Variants in ELMO1 observed in about 807,000 individuals in gnomAD.
The protein encoded by ELMO1 is engulfment and cell motility 1.
In ELMO1, 26 loss-of-function variants were observed where a neutral mutation model predicts 98.9. The observed-to-expected ratio is 0.26, with a 90% CI of 0.19 to 0.36. ELMO1 has a LOEUF of 0.36. ELMO1 is among the 10% of genes least tolerant of loss of function. The pLI is 1.00. For missense variants in ELMO1, 627 were observed against 935.2 expected (o/e 0.67, Z 4.30); for synonymous variants, 346 against 346.0 (o/e 1.00, Z 0.00).
At chr7:37,374,992 G>A (rs1279976998) in intron 1 of ELMO1, among the ~76,000 whole-genome samples, 1 of 152,100 alleles carries the variant, frequency 6.6e-6, no homozygotes, top group Non-Finnish European at 1.5e-5. Context: ...CCAGGAGGTG[G>A]AGGTTGCGGT....
At chr7:37,447,599 T>TCA (rs1175713357) in intron 1 of ELMO1, among the ~76,000 whole-genome samples, 27 of 147,164 alleles carry the variant, frequency 1.8e-4, no homozygotes, top group Admixed American at 5.4e-4. Context: ...GGCTGTGCGG[T>TCA]CACACACACA....
chr7:37,000,301 A>T (rs1792559055), intron 16 of ELMO1, among the ~76,000 whole-genome samples: 1 of 152,224 alleles, frequency 6.6e-6, no homozygotes, highest in Non-Finnish European at 1.5e-5. Context: ...ACAAAATGGA[A>T]ATCTGGCATT....
chr7:37,249,034 T>C (rs1489470991), intron 6 of ELMO1, among the ~76,000 whole-genome samples: 1 of 152,204 alleles, frequency 6.6e-6, no homozygotes, highest in Non-Finnish European at 1.5e-5. Flanking sequence ...GTGAGGAGTA[T>C]GGTTCAGCCC....
chr7:37,074,271 C>T (rs750930861), intron 15 of ELMO1, among the ~76,000 whole-genome samples: 22 of 150,814 alleles, frequency 1.5e-4, no homozygotes, highest in Non-Finnish European at 1.9e-4. Flanking sequence ...AAAATCTATG[C>T]TATGTCACTT....
chr7:37,078,737 T>A (rs903927399), intron 15 of ELMO1, among the ~76,000 whole-genome samples: 7 of 152,156 alleles, frequency 4.6e-5, no homozygotes, highest in Non-Finnish European at 8.8e-5. Context: ...AAAGGAAATA[T>A]CCTTAAATAT....
intron 16 of ELMO1, among the ~76,000 whole-genome samples, chr7:36,959,049 CTA>C (rs1788711710): frequency 1.3e-5 from 2 of 152,146 alleles, no homozygotes; most frequent in African/African-American, 4.8e-5. Context: ...TTCCCCATCT[CTA>C]TGAGTGGTGC....
At chr7:37,437,417 A>G (rs1306833273) in intron 1 of ELMO1, among the ~76,000 whole-genome samples, 2 of 152,248 alleles carry the variant, frequency 1.3e-5, no homozygotes, top group Non-Finnish European at 2.9e-5. Context: ...CAGTCATTAC[A>G]TCAGTTATTT....
intron 5 of ELMO1, chr7:37,270,273 G>T (rs1796486302): frequency 6.6e-6 from 1 of 152,140 alleles, no homozygotes. Context: ...AAGTAGCAAA[G>T]CAGGCATCAA....
In ELMO1 at chr7:37,174,646, C is replaced by G. The variant is rs188580038; in HGVS notation, c.1086+36740G>C. On this transcript the variant is annotated intron_variant, in intron 13 of 21. Transcript: ENST00000310758. Reference sequence around the variant, plus strand: ...GATATCCAGGCATGCCCCATGCCCACTAGGTCCCATGGGTACAACAAACTC... The same window carrying G: ...GATATCCAGGCATGCCCCATGCCCAGTAGGTCCCATGGGTACAACAAACTC... 5.9e-5 allele frequency among the ~76,000 whole-genome samples: 9 copies of G among 152,294 alleles called. No homozygotes were observed. The East Asian group carries it at 1.7e-3, about 29-fold the overall frequency.
At chr7:36,963,936 T>C (rs1230824220) in intron 16 of ELMO1, among the ~76,000 whole-genome samples, 2 of 152,354 alleles carry the variant, frequency 1.3e-5, no homozygotes, top group Admixed American at 1.3e-4. Flanking sequence ...TTTAATGTGA[T>C]ATCTGAAATT....
At chr7:37,412,665 T>C (rs1804042779) in intron 1 of ELMO1, among the ~76,000 whole-genome samples, 1 of 152,194 alleles carries the variant, frequency 6.6e-6, no homozygotes, top group Admixed American at 6.5e-5. Flanking sequence ...GTGAACCCTC[T>C]TCCCCTAGAC....
chr7:37,022,850 GATAA>G (rs1240428363), intron 15 of ELMO1, among the ~76,000 whole-genome samples: 27 of 152,254 alleles, frequency 1.8e-4, no homozygotes, highest in Admixed American at 9.2e-4. Context: ...CAGCAGATTG[GATAA>G]ATAAATTATG....
intron 15 of ELMO1, among the ~76,000 whole-genome samples, chr7:37,065,143 C>T (rs563780042): frequency 6.6e-6 from 1 of 152,042 alleles, no homozygotes; most frequent in Non-Finnish European, 1.5e-5. Context: ...CCCCAAACAG[C>T]TATTGCCCTA....
intron 1 of ELMO1, among the ~76,000 whole-genome samples, chr7:37,428,738 T>C (rs1193432718): frequency 6.6e-6 from 1 of 152,264 alleles, no homozygotes; most frequent in Non-Finnish European, 1.5e-5. Context: ...ATTAACATTC[T>C]GTCCTAATCC....
At chr7:37,119,500 A>AT in intron 14 of ELMO1, among the ~76,000 whole-genome samples, 1 of 152,290 alleles carries the variant, frequency 6.6e-6, no homozygotes, top group East Asian at 1.9e-4. Flanking sequence ...TCTCCCAACT[A>AT]TTTTTTGTAA....
intron 1 of ELMO1, among the ~76,000 whole-genome samples, chr7:37,435,649 G>A (rs555485151): frequency 1.3e-5 from 2 of 152,142 alleles, no homozygotes; most frequent in African/African-American, 4.8e-5. Flanking sequence ...AGGTCCAGAC[G>A]CCGAGTCTCA....
chr7:37,188,634 TA>T (rs1339445934), intron 13 of ELMO1, among the ~76,000 whole-genome samples: 6 of 151,756 alleles, frequency 4.0e-5, no homozygotes, highest in Non-Finnish European at 7.4e-5. Flanking sequence ...TTAGTAAAGA[TA>T]AAAGAAAATC....
rs1301334890 is a variant in ELMO1 at position 37,342,566 on chromosome 7, T to G, written c.78+47A>C. ...TCCAAAGTCTATGAAAATTCCAGTA[T>G]AGAAAGGAAACTGAAAATAGACACC... is the stretch of plus-strand genomic sequence containing the variant. On this transcript the variant is annotated intron_variant, in intron 2 of 21. Transcript: ENST00000310758. The surrounding 1 kb of genome is among the most constrained non-coding windows in gnomAD (Gnocchi z 4.3). 7.6e-6 allele frequency: 12 copies of G among 1,576,652 alleles called. No individual in the cohort carries two copies. The highest frequency in any genetic ancestry group is 1.0e-5 in the Non-Finnish European group (12 of 1,145,918).
At chr7:37,068,352 A>G (rs1002752217) in intron 15 of ELMO1, among the ~76,000 whole-genome samples, 2 of 152,192 alleles carry the variant, frequency 1.3e-5, no homozygotes, top group African/African-American at 4.8e-5. Flanking sequence ...ACCCTTTGGC[A>G]CTTTACCTAT....
Sources: gnomAD v4.1 joint callset for allele counts (sites outside exome capture counted in the v4.1 genomes callset) on GRCh38, gnomAD v4.1.1 for gene constraint, Gnocchi (gnomAD v3.1) non-coding constraint, MANE v1.5 for transcripts, NCBI Gene and HGNC (gene_info 2026-07-23, HGNC 2026-07-21) for gene names.